The following TUT4 variants were observed in gnomAD, a reference collection of about 807,000 sequenced individuals.
TUT4 encodes the protein terminal uridylyl transferase 4, also known as terminal uridylyltransferase 4.
TUT4 carries 36 observed loss-of-function variants against 192.2 expected under a neutral mutation model. The observed-to-expected ratio is 0.19, with a 90% CI of 0.14 to 0.25. The LOEUF (loss-of-function observed/expected upper bound fraction) is 0.25. TUT4 is among the 10% of genes least tolerant of loss of function. The pLI, the probability that TUT4 is intolerant of heterozygous loss-of-function variation, is 1.00. For synonymous variants in TUT4, 618 were observed against 666.0 expected (o/e 0.93, Z 1.11); for missense variants, 1,493 against 1,957.2 (o/e 0.76, Z 4.47).
chr1:52,463,774 A>G, intron 16 of TUT4: 2 of 1,304,166 alleles, frequency 1.5e-6, no homozygotes, highest in Non-Finnish European at 2.0e-6. Context: ...CCCACTATTA[A>G]GGCCTGGTAT....
chr1:52,473,081 C>T (rs915349400), intron 13 of TUT4, among the ~76,000 whole-genome samples: 51 of 152,050 alleles, frequency 3.4e-4, no homozygotes, highest in Admixed American at 2.5e-3. Context: ...ACAGTACTTA[C>T]CCTAAGTTTC....
intron 9 of TUT4, among the ~76,000 whole-genome samples, chr1:52,485,459 C>A (rs1378548102): frequency 6.6e-6 from 1 of 152,102 alleles, no homozygotes; most frequent in Non-Finnish European, 1.5e-5. Context: ...ATTTCATTTT[C>A]TTATTGCATT....
chr1:52,437,005 A>T (rs767287233), intron 25 of TUT4, 27 bp from the exon 26 acceptor site: 2 of 1,606,290 alleles, frequency 1.2e-6, no homozygotes, highest in Admixed American at 3.4e-5. Context: ...GGGGCTAGGG[A>T]CTTGTAAATT....
intron 28 of TUT4, among the ~76,000 whole-genome samples, chr1:52,428,455 C>T (rs1395714409): frequency 7.2e-5 from 11 of 151,976 alleles, no homozygotes; most frequent in East Asian, 5.8e-4. Flanking sequence ...AGTGAAACCC[C>T]GTCTCTACTA....
At chr1:52,441,444 A>ATTTTTTTTTTTTT (rs557710242) in intron 24 of TUT4, among the ~76,000 whole-genome samples, 12 of 119,982 alleles carry the variant, frequency 1.0e-4, no homozygotes, top group Admixed American at 1.7e-4. Flanking sequence ...TCTCGGCTAA[A>ATTTTTTTTTTTTT]TTTTTTTTTT....
Position 52,477,755 on chromosome 1 carries a change from A to G in TUT4, c.1976T>C (p.Leu659Ser), listed in dbSNP as rs1319477450. The change falls in exon 12 of 30, where the codon TTA becomes TCA. Residue 659 changes from leucine (L) to serine (S), a missense_variant. Transcript: ENST00000257177. ...YVICVRIQDI[L>S]TRENKNWPKR... The stretch of plus-strand genomic sequence containing the variant: ...AGGCCAGTTTTTATTTTCTCTTGTT[A>G]AAATATCTTGTATCCGTACACATAT... The G allele has an allele frequency of 1.2e-6, 2 of 1,611,230 alleles. No homozygotes were observed. Among genetic ancestry groups the G allele is most frequent in the Non-Finnish European group, 1.7e-6 (2 of 1,179,300 alleles).
chr1:52,426,837 G>A (rs1347000145), intron 28 of TUT4, among the ~76,000 whole-genome samples: 2 of 151,980 alleles, frequency 1.3e-5, no homozygotes, highest in Non-Finnish European at 2.9e-5. Flanking sequence ...TCCAGAAAAT[G>A]AGTAATACAA....
intron 11 of TUT4, 21 bp downstream of exon 11, chr1:52,481,402 A>G: frequency 1.2e-6 from 2 of 1,610,760 alleles, no homozygotes; most frequent in Admixed American, 1.7e-5. Flanking sequence ...AAAGCCAAAA[A>G]ACAAAAACAA....
At chr1:52,524,497 G>A (rs533558648) in intron 2 of TUT4, among the ~76,000 whole-genome samples, 38 of 149,238 alleles carry the variant, frequency 2.5e-4, no homozygotes, top group African/African-American at 8.7e-4. Context: ...GCACTCCAGC[G>A]TGGGTGACAG....
At chr1:52,507,594 TA>T (rs1194744744) in intron 4 of TUT4, among the ~76,000 whole-genome samples, 1 of 152,218 alleles carries the variant, frequency 6.6e-6, no homozygotes. Context: ...TATAATGTTC[TA>T]AAGTTTCCCT....
At chr1:52,473,415 CTT>C (rs984806946) in intron 13 of TUT4, among the ~76,000 whole-genome samples, 5 of 152,062 alleles carry the variant, frequency 3.3e-5, no homozygotes, top group African/African-American at 1.2e-4. Context: ...TAAGGTACCT[CTT>C]AAGTTCTCTA....
intron 2 of TUT4, among the ~76,000 whole-genome samples, chr1:52,523,162 T>A (rs1335444022): frequency 6.6e-6 from 1 of 151,386 alleles, no homozygotes; most frequent in Non-Finnish European, 1.5e-5. Context: ...CCGGCTGATT[T>A]TTCTATTTTT....
intron 2 of TUT4, 51 bp from the exon 3 acceptor site, chr1:52,516,105 A>C: frequency 4.3e-6 from 6 of 1,410,828 alleles, no homozygotes; most frequent in Non-Finnish European, 5.8e-6. Context: ...TAAATTTTTA[A>C]ATTTTTTAAT....
Position 52,481,460 on chromosome 1 carries a change from T to C in TUT4, c.1811A>G (p.Asp604Gly). Residue 604 changes from aspartate to glycine, a missense_variant, in exon 11 of 30, where the codon GAC (aspartate) becomes GGC (glycine). This residue lies in a region of TUT4 where 437 missense variants were observed against 577.6 expected (regional missense o/e 0.76). Transcript: ENST00000257177. ...PKDDTKKTET[D>G]NQSNAMKEKH... ...TTCCTTCATGGCATTACTTTGGTTG[T>C]CTGTTTCTGTCTTCTTGGTATCATC... The C allele has an allele frequency of 6.2e-7, 1 of 1,614,026 alleles. No homozygotes were observed. Among genetic ancestry groups the C allele is most frequent in the Non-Finnish European group, 8.5e-7 (1 of 1,179,946 alleles).
chr1:52,433,439 A>G (rs369100041), intron 27 of TUT4: 5 of 152,260 alleles, frequency 3.3e-5, no homozygotes, highest in African/African-American at 1.2e-4. Context: ...AAAGTTTTGG[A>G]AACTAGATAG....
intron 20 of TUT4, among the ~76,000 whole-genome samples, chr1:52,449,412 C>T (rs1658655929): frequency 6.6e-6 from 1 of 152,204 alleles, no homozygotes; most frequent in Non-Finnish European, 1.5e-5. Context: ...CATTCTTGTG[C>T]CTCAGCCTCC....
intron 20 of TUT4, 59 bp downstream of exon 20, chr1:52,458,277 C>A: frequency 7.8e-7 from 1 of 1,277,286 alleles, no homozygotes. Context: ...GCAAAATCTC[C>A]TGTGTTTAGA....
chr1:52,515,667 C>T (rs1678531537), intron 3 of TUT4: 2 of 622,412 alleles, frequency 3.2e-6, no homozygotes, highest in Non-Finnish European at 5.7e-6. Context: ...TTTGCCAACT[C>T]TTGGGATGAA....
chr1:52,506,257 T>C (rs749793957), intron 4 of TUT4, among the ~76,000 whole-genome samples: 1 of 152,208 alleles, frequency 6.6e-6, no homozygotes, highest in African/African-American at 2.4e-5. Context: ...TCTATGTTCA[T>C]GAGGAGTTTT....
Sources: allele counts gnomAD v4.1 joint callset (sites outside exome capture counted in the v4.1 genomes callset), GRCh38; gene constraint gnomAD v4.1.1; regional missense constraint gnomAD v4.1.1; transcripts MANE v1.5; gene names NCBI Gene and HGNC (gene_info 2026-07-23, HGNC 2026-07-21).